The following DNAH8 variants were observed in gnomAD, a reference collection of about 807,000 sequenced individuals.
DNAH8 encodes the protein dynein axonemal heavy chain 8.
A neutral mutation model predicts 562.1 loss-of-function variants in DNAH8; 382 were observed. That is an observed-to-expected ratio of 0.68 (90% CI 0.63 to 0.74). The LOEUF (loss-of-function observed/expected upper bound fraction) is 0.74. DNAH8 is among the 30% of genes least tolerant of loss of function. The probability of loss-of-function intolerance (pLI) is 0.00; values close to 1 mark genes in which losing one functional copy is unlikely to be tolerated. For missense variants in DNAH8, 5,203 were observed against 5,620.4 expected, an observed-to-expected ratio of 0.93 and a Z score of 2.37; for synonymous variants, 1,881 against 1,919.4, an observed-to-expected ratio of 0.98 and a Z score of 0.52.
chr6:38,943,449 C>T (rs1337466798), intron 79 of DNAH8, among the ~76,000 whole-genome samples: 1 of 151,886 alleles, frequency 6.6e-6, no homozygotes, highest in Non-Finnish European at 1.5e-5. Context: ...GTTATTTATC[C>T]TAGCAGAAAT....
In DNAH8 at chr6:38,853,129, G is replaced by A. The variant is rs78563592; in HGVS notation, c.5572-57G>A. ...ATGATTTATTAAGTGTGCATGGAACGTCTGTAAAAATGCCAAATTATTATC... is the reference window on the plus strand; with the variant it reads ...ATGATTTATTAAGTGTGCATGGAACATCTGTAAAAATGCCAAATTATTATC... On this transcript the variant is annotated intron_variant, in intron 40 of 92. Coordinates refer to ENST00000327475, the MANE Select transcript of DNAH8 (RefSeq NM_001206927.2). The A allele has an allele frequency of 0.013, 17,096 of 1,366,070 alleles. 824 individuals carry two copies. The East Asian group carries it at 0.13, about 11-fold the overall frequency. 84.6% of individuals were successfully genotyped at this position (1,366,070 alleles called of 1,614,324 possible).
At position 38,758,942 on chromosome 6, in the gene DNAH8, T is replaced by A. The variant is rs541015488; in HGVS notation, c.1516-2760T>A. Among the ~76,000 whole-genome samples the A allele has an allele frequency of 2.0e-5, 3 of 152,260 alleles. No homozygotes were observed. In the East Asian group the frequency reaches 5.8e-4, roughly 29 times the overall value. On this transcript the variant is annotated intron_variant, in intron 10 of 92. Coordinates refer to ENST00000327475, the MANE Select transcript of DNAH8 (RefSeq NM_001206927.2). ...TGGATTCGGTTTGCCAGTATTTTATTGAGGATTTTTGCATCCATGTTCATC... is the reference window on the plus strand; with the variant it reads ...TGGATTCGGTTTGCCAGTATTTTATAGAGGATTTTTGCATCCATGTTCATC...
At chr6:38,808,955 G>T (rs550616186) in intron 24 of DNAH8, among the ~76,000 whole-genome samples, 3 of 152,268 alleles carry the variant, frequency 2.0e-5, no homozygotes, top group Admixed American at 6.5e-5. Context: ...TGTGGGGATA[G>T]GGGAGGGATA....
intron 26 of DNAH8, among the ~76,000 whole-genome samples, chr6:38,820,588 G>A (rs1327716643): frequency 6.6e-6 from 1 of 152,056 alleles, no homozygotes; most frequent in Non-Finnish European, 1.5e-5. Flanking sequence ...CATCTTTAAA[G>A]GACTCTTAAA....
intron 31 of DNAH8, among the ~76,000 whole-genome samples, chr6:38,832,696 T>C (rs1466958040): frequency 6.6e-6 from 1 of 152,210 alleles, no homozygotes; most frequent in African/African-American, 2.4e-5. Context: ...TGATTAGCTT[T>C]TAAAAATTGC....
intron 5 of DNAH8, among the ~76,000 whole-genome samples, chr6:38,735,816 A>G (rs1426087606): frequency 6.6e-6 from 1 of 152,206 alleles, no homozygotes; most frequent in Non-Finnish European, 1.5e-5. Context: ...TCTAAATAAT[A>G]TGCTCAGACT....
chr6:39,012,103 G>A (rs1161849532), intron 89 of DNAH8, 112 bp from the exon 90 acceptor site: 1 of 717,904 alleles, frequency 1.4e-6, no homozygotes, highest in South Asian at 2.5e-5. Context: ...AATTCATTTG[G>A]GCTGGTAGAG....
intron 18 of DNAH8, among the ~76,000 whole-genome samples, chr6:38,789,400 G>A (rs1769485110): frequency 6.6e-6 from 1 of 152,160 alleles, no homozygotes; most frequent in Non-Finnish European, 1.5e-5. Context: ...TGTTTGTGTG[G>A]AAAAGCTAAA....
chr6:38,941,551 G>A (rs761245985), intron 79 of DNAH8, among the ~76,000 whole-genome samples: 12 of 152,180 alleles, frequency 7.9e-5, no homozygotes, highest in Admixed American at 5.2e-4. Flanking sequence ...TTTTAAGGCA[G>A]TGTGGTGTGG....
chr6:38,838,033 A>T lies in DNAH8; in HGVS notation c.4457A>T (p.His1486Leu). ...CCTGTGACTGATTATGAGGTTTTAC[A>T]CAAAACCAGGTAAGTTTAGAAAATA... ...GLPVTDYEVL[H>L]KTRKELNLLQ... The change falls in exon 33 of 93, where the codon CAC (histidine) becomes CTC (leucine). Residue 1486 changes from histidine (H) to leucine (L), a missense_variant. This residue lies in a region of DNAH8 where 2,176 missense variants were observed against 2,365.1 expected (regional missense o/e 0.92). Coordinates refer to ENST00000327475, the MANE Select transcript of DNAH8 (RefSeq NM_001206927.2). 1 of 1,604,886 alleles carries T rather than the reference A, an allele frequency of 6.2e-7. No homozygotes were observed.
chr6:38,726,923 TCTCAG>T (rs1468958288), intron 3 of DNAH8, among the ~76,000 whole-genome samples: 1 of 145,022 alleles, frequency 6.9e-6, no homozygotes, highest in Non-Finnish European at 1.5e-5. Context: ...AGTGGCACGA[TCTCAG>T]CTCACTGTAA....
At chr6:38,958,102 C>A (rs935321650) in intron 82 of DNAH8, among the ~76,000 whole-genome samples, 3 of 151,406 alleles carry the variant, frequency 2.0e-5, no homozygotes, top group African/African-American at 7.3e-5. Flanking sequence ...CCTGGGTTCA[C>A]GCCATTCTCC....
chr6:38,723,268 C>G, intron 2 of DNAH8, 69 bp downstream of exon 2: 1 of 1,572,538 alleles, frequency 6.4e-7, no homozygotes, highest in Non-Finnish European at 8.6e-7. Context: ...TTTTACTTTA[C>G]AAAGTATGAA....
At chr6:38,944,724 A>G (rs935170781) in intron 79 of DNAH8, among the ~76,000 whole-genome samples, 1 of 152,202 alleles carries the variant, frequency 6.6e-6, no homozygotes, top group African/African-American at 2.4e-5. Flanking sequence ...TGTAAAAGCA[A>G]GGGCCTGGTT....
chr6:38,838,367 T>C (rs778104432), intron 33 of DNAH8, among the ~76,000 whole-genome samples: 4 of 152,228 alleles, frequency 2.6e-5, no homozygotes, highest in Non-Finnish European at 5.9e-5. Context: ...GTAACTTTTG[T>C]TTATTTAGAG....
chr6:38,836,630 A>G (rs1182963442), intron 32 of DNAH8, among the ~76,000 whole-genome samples: 1 of 151,542 alleles, frequency 6.6e-6, no homozygotes, highest in Non-Finnish European at 1.5e-5. Flanking sequence ...CTTCACTGGG[A>G]TATGTGACTT....
intron 8 of DNAH8, among the ~76,000 whole-genome samples, chr6:38,750,085 G>T (rs571640421): frequency 1.3e-5 from 2 of 152,284 alleles, no homozygotes; most frequent in East Asian, 3.9e-4. Context: ...GCCCACCTTG[G>T]CTTCCCAAAG....
At chr6:38,990,947 T>G (rs532803097) in intron 88 of DNAH8, among the ~76,000 whole-genome samples, 1 of 152,282 alleles carries the variant, frequency 6.6e-6, no homozygotes, top group African/African-American at 2.4e-5. Context: ...AGGAAAATGG[T>G]TTCAGGAAGT....
chr6:38,945,781 C>T (rs1371766590), intron 80 of DNAH8, among the ~76,000 whole-genome samples, 193 bp downstream of exon 80: 1 of 152,138 alleles, frequency 6.6e-6, no homozygotes, highest in Non-Finnish European at 1.5e-5. Flanking sequence ...TTCATAGTTG[C>T]AGGCAACTAT....
Sources: gnomAD v4.1 joint callset for allele counts (sites outside exome capture counted in the v4.1 genomes callset) on GRCh38, gnomAD v4.1.1 for gene constraint, gnomAD v4.1.1 regional missense constraint, MANE v1.5 for transcripts, NCBI Gene and HGNC (gene_info 2026-07-23, HGNC 2026-07-21) for gene names.